RAB30: variants seen among roughly 807,000 people sequenced by gnomAD.
RAB30 encodes ras-related protein Rab-30.
In RAB30, 9 loss-of-function variants were observed where a neutral mutation model predicts 25.1. The ratio of observed to expected loss-of-function variants is 0.36; its 90% CI spans 0.22 to 0.63. RAB30 has a LOEUF of 0.63. Ranked by LOEUF, RAB30 falls within the 20% of genes least tolerant of loss-of-function variation. The pLI, the probability that RAB30 is intolerant of heterozygous loss-of-function variation, is 0.69. For missense variants in RAB30, 140 were observed against 243.5 expected (o/e 0.58, Z 2.83); for synonymous variants, 77 against 86.4 (o/e 0.89, Z 0.60).
chr11:83,051,716 C>T (rs962096928), intron 1 of RAB30, among the ~76,000 whole-genome samples: 2 of 152,012 alleles, frequency 1.3e-5, no homozygotes, highest in Non-Finnish European at 2.9e-5. Context: ...TCTTCCCCAC[C>T]CTCATTTCAT....
intron 1 of RAB30, among the ~76,000 whole-genome samples, chr11:83,043,862 C>A (rs1858181475): frequency 6.6e-6 from 1 of 152,138 alleles, no homozygotes; most frequent in Admixed American, 6.5e-5. Flanking sequence ...CATCTCCCAC[C>A]CCCTGACCCT....
chr11:83,038,006 G>A (rs759534043), intron 1 of RAB30, among the ~76,000 whole-genome samples: 2 of 152,178 alleles, frequency 1.3e-5, no homozygotes, highest in Admixed American at 1.3e-4. Context: ...TGCCTTGGGA[G>A]TGGGAGAGGG....
intron 4 of RAB30, among the ~76,000 whole-genome samples, chr11:82,982,890 G>A (rs960245255): frequency 2.0e-5 from 3 of 152,078 alleles, no homozygotes; most frequent in Non-Finnish European, 4.4e-5. Flanking sequence ...AAAAATGAGT[G>A]CCATTCATAA....
chr11:83,010,176 C>G (rs549510970), intron 1 of RAB30, among the ~76,000 whole-genome samples: 3 of 152,078 alleles, frequency 2.0e-5, no homozygotes, highest in Admixed American at 1.3e-4. Flanking sequence ...TTGGACTGGG[C>G]GTGGTGGCTT....
Position 82,977,286 on chromosome 11 carries a change from C to T in RAB30, c.*4879G>A, listed in dbSNP as rs760354352. ...GAGGGCCAGTCTCTTGGCCTAACAA[C>T]GTGCAACCAACCTCTTCCCTGAAAG... On this transcript the variant is annotated 3_prime_UTR_variant, in exon 5 of 5. Transcript: ENST00000527633. The T allele has an allele frequency of 3.3e-5, 5 of 152,180 alleles. No individual in the cohort carries two copies. The highest frequency in any genetic ancestry group is 1.9e-4 in the East Asian group (1 of 5,196). The allele number at this position is 152,180 out of a possible 1,614,324, so 9.4% of individuals were successfully genotyped here.
intron 3 of RAB30, 149 bp downstream of exon 3, chr11:82,993,890 G>T: frequency 1.7e-6 from 1 of 595,966 alleles, no homozygotes; most frequent in Non-Finnish European, 2.9e-6. Context: ...AAAAAGACTA[G>T]AAGAACTCTG....
chr11:83,050,829 T>C (rs115177841), intron 1 of RAB30, among the ~76,000 whole-genome samples: 3,758 of 152,232 alleles, frequency 0.025, 149 homozygotes, highest in African/African-American at 0.087. Flanking sequence ...ATAGATTCCA[T>C]GAAATGCAAT....
chr11:83,001,907 T>C (rs1180071473), intron 1 of RAB30, among the ~76,000 whole-genome samples: 1 of 152,180 alleles, frequency 6.6e-6, no homozygotes, highest in Non-Finnish European at 1.5e-5. Flanking sequence ...ACTTATTCAG[T>C]GCTTTTTATG....
rs923940406 is a variant in RAB30, at chr11:83,025,967, T to C, written c.-8-28643A>G. On this transcript the variant is annotated intron_variant, in intron 1 of 4. Coordinates refer to ENST00000527633, the MANE Select transcript of RAB30 (RefSeq NM_001286060.2). Reference sequence around the variant, plus strand: ...ACTTTGGGAAGCCAAGGTGGGAGGATTGCTTGAGCCCAGGAGTTTGAGACC... The same window carrying C: ...ACTTTGGGAAGCCAAGGTGGGAGGACTGCTTGAGCCCAGGAGTTTGAGACC... Among the ~76,000 whole-genome samples, 8 of 152,074 alleles carry C rather than the reference T, an allele frequency of 5.3e-5. No individual in the cohort carries two copies. In the East Asian group the frequency reaches 1.5e-3, roughly 29 times the overall value.
At chr11:82,999,568 C>A (rs1857033108) in intron 1 of RAB30, among the ~76,000 whole-genome samples, 1 of 152,224 alleles carries the variant, frequency 6.6e-6, no homozygotes, top group Admixed American at 6.5e-5. Context: ...GATCTGGTTC[C>A]TGCTGTCACT....
chr11:83,050,694 C>T (rs1448379858), intron 1 of RAB30, among the ~76,000 whole-genome samples: 1 of 152,040 alleles, frequency 6.6e-6, no homozygotes, highest in Non-Finnish European at 1.5e-5. Context: ...ACATTTTTGA[C>T]TGGTTGGAAA....
intron 1 of RAB30, among the ~76,000 whole-genome samples, chr11:83,055,986 G>A (rs1374172307): frequency 6.6e-6 from 1 of 152,172 alleles, no homozygotes; most frequent in Non-Finnish European, 1.5e-5. Context: ...TGCTATAGTA[G>A]CACAAATGGA....
rs114610273 is a variant in RAB30, at chr11:82,993,803, C to T, written c.177+236G>A. ...ATGTCACTTGTGACATGACAGGAGA[C>T]AGGACAAACTTGCCTTAGCCATTTT... On this transcript the variant is annotated intron_variant, in intron 3 of 4. Transcript: ENST00000527633. Among the ~76,000 whole-genome samples, 318 of 152,268 alleles carry T rather than the reference C, an allele frequency of 2.1e-3. 1 individual carries two copies. The highest frequency in any genetic ancestry group is 7.4e-3 in the African/African-American group (308 of 41,546).
At chr11:82,989,166 T>C (rs2121445354) in intron 3 of RAB30, among the ~76,000 whole-genome samples, 1 of 152,302 alleles carries the variant, frequency 6.6e-6, no homozygotes, top group Non-Finnish European at 1.5e-5. Flanking sequence ...TAATGGAAAC[T>C]GTCCCTTAAC....
chr11:82,982,007 G>T lies in RAB30; in HGVS notation c.*158C>A. ...TTATATGTTCTGCTAATGCTGGCCT[G>T]TGGTCGAGGCCCTTGGCCTGCCATG... On this transcript the variant is annotated 3_prime_UTR_variant, in exon 5 of 5. Transcript: ENST00000527633. The T allele has an allele frequency of 1.1e-6, 1 of 942,590 alleles. No individual in the cohort carries two copies. Among genetic ancestry groups the T allele is most frequent in the Non-Finnish European group, 1.6e-6 (1 of 627,044 alleles). 58.4% of individuals were successfully genotyped at this position (942,590 alleles called of 1,614,324 possible). A position where few individuals can be genotyped will look rare whatever the true frequency, so the allele number is the denominator to read the frequency against.
At chr11:83,024,794 C>A (rs1307898494) in intron 1 of RAB30, among the ~76,000 whole-genome samples, 1 of 152,210 alleles carries the variant, frequency 6.6e-6, no homozygotes, top group Non-Finnish European at 1.5e-5. Flanking sequence ...CTACGATGTA[C>A]CCCTCTAGGA....
intron 1 of RAB30, among the ~76,000 whole-genome samples, chr11:83,029,323 C>T (rs1266853464): frequency 6.6e-6 from 1 of 152,002 alleles, no homozygotes; most frequent in Non-Finnish European, 1.5e-5. Context: ...CAAAGTTCAA[C>T]ACTTACCAAG....
intron 1 of RAB30, among the ~76,000 whole-genome samples, chr11:83,037,951 A>G (rs751297631): frequency 6.6e-6 from 1 of 152,218 alleles, no homozygotes; most frequent in Non-Finnish European, 1.5e-5. Context: ...AAAGGAATTC[A>G]GTCTGACATA....
chr11:83,070,661 T>C (rs1051945398), intron 1 of RAB30, among the ~76,000 whole-genome samples: 9 of 152,230 alleles, frequency 5.9e-5, no homozygotes, highest in Middle Eastern at 6.8e-3. Flanking sequence ...ATTATCCCTA[T>C]AACTCTTACA....
Sources: allele counts gnomAD v4.1 joint callset (sites outside exome capture counted in the v4.1 genomes callset), GRCh38; gene constraint gnomAD v4.1.1; transcripts MANE v1.5; gene names NCBI Gene and HGNC (gene_info 2026-07-23, HGNC 2026-07-21).